The following ADD1 variants were observed in gnomAD, a reference collection of about 807,000 sequenced individuals.
ADD1 encodes alpha-adducin.
Under a neutral mutation model 80.5 loss-of-function variants are expected in ADD1, and 24 were observed. The observed-to-expected ratio is 0.30, with a 90% CI of 0.22 to 0.42. The LOEUF is 0.42. ADD1 is among the 10% of genes least tolerant of loss of function. The pLI is 1.00. For synonymous variants in ADD1, 373 were observed against 393.8 expected, an observed-to-expected ratio of 0.95 and a Z score of 0.63; for missense variants, 948 against 1,019.0, an observed-to-expected ratio of 0.93 and a Z score of 0.95.
rs752868581 is a variant in ADD1, at chr4:2,881,072, CTTTTTTT to C, written c.196-809_196-803del. On this transcript the variant is annotated intron_variant, in intron 2 of 15. Coordinates refer to ENST00000683351, the MANE Select transcript of ADD1 (RefSeq NM_001354761.2). ...TACAATGAACATTTTGATGTATTTACTTTTTTTTTTTTTTTTTTTTTTTGAGACAAAG... is the reference window on the plus strand; with the variant it reads ...TACAATGAACATTTTGATGTATTTACTTTTTTTTTTTTTTTTGAGACAAAG... 6.7e-5 allele frequency among the ~76,000 whole-genome samples: 6 copies of C among 89,360 alleles called. No individual in the cohort carries two copies. In the East Asian group the frequency reaches 1.3e-3, roughly 20 times the overall value. The allele number at this position is 89,360 out of a possible 152,430, so 58.6% of individuals were successfully genotyped here.
intron 14 of ADD1, among the ~76,000 whole-genome samples, chr4:2,918,970 A>G (rs1265803089): frequency 1.3e-5 from 2 of 151,596 alleles, no homozygotes; most frequent in Non-Finnish European, 2.9e-5. Flanking sequence ...CCTCCTGAGT[A>G]CTTGAGACTA....
intron 1 of ADD1, among the ~76,000 whole-genome samples, chr4:2,850,329 G>A (rs538917810): frequency 6.6e-6 from 1 of 151,616 alleles, no homozygotes; most frequent in Admixed American, 6.6e-5. Flanking sequence ...GTGCAGTGGT[G>A]CGATCTTGGC....
At chr4:2,911,492 G>A (rs1269051494) in intron 13 of ADD1, among the ~76,000 whole-genome samples, 1 of 147,776 alleles carries the variant, frequency 6.8e-6, no homozygotes, top group African/African-American at 2.5e-5. Context: ...TGTTGTCCAG[G>A]CTGGAGTGTG....
chr4:2,885,902 G>A (rs563510378), intron 4 of ADD1, among the ~76,000 whole-genome samples: 2 of 152,074 alleles, frequency 1.3e-5, no homozygotes, highest in African/African-American at 2.4e-5. Context: ...GAGCCACCCT[G>A]CCCGGCCCCT....
At chr4:2,928,019 G>A in intron 15 of ADD1, 152 bp from the exon 16 acceptor site, 1 of 743,302 alleles carries the variant, frequency 1.3e-6, no homozygotes, top group South Asian at 1.7e-5. Flanking sequence ...CAGCCGTACA[G>A]TAGAGTAGAC....
chr4:2,865,786 GA>G (rs1242555252), intron 1 of ADD1, among the ~76,000 whole-genome samples: 2 of 151,996 alleles, frequency 1.3e-5, no homozygotes, highest in Non-Finnish European at 2.9e-5. Flanking sequence ...AAAAGATTTT[GA>G]AAGATTTCAT....
chr4:2,878,051 A>C (rs1339815297), intron 2 of ADD1, among the ~76,000 whole-genome samples: 2 of 152,162 alleles, frequency 1.3e-5, no homozygotes, highest in Non-Finnish European at 2.9e-5. Context: ...GAGCCCACAG[A>C]GGCAGAAGGC....
Position 2,880,755 on chromosome 4 carries a change from G to A in ADD1, c.196-1143G>A, listed in dbSNP as rs568419244. ...CTCCCAAAGTGCTGGGATTACAGGCGTGAGCCACCATGCCTGGCCGATATT... is the reference window on the plus strand; with the variant it reads ...CTCCCAAAGTGCTGGGATTACAGGCATGAGCCACCATGCCTGGCCGATATT... On this transcript the variant is annotated intron_variant, in intron 2 of 15. Coordinates refer to ENST00000683351, the MANE Select transcript of ADD1 (RefSeq NM_001354761.2). 1.4e-4 allele frequency among the ~76,000 whole-genome samples: 22 copies of A among 152,094 alleles called. No homozygotes were observed. In the South Asian group the frequency reaches 3.3e-3, roughly 23 times the overall value.
At chr4:2,925,353 T>G (rs1158306386) in intron 14 of ADD1, among the ~76,000 whole-genome samples, 1 of 140,778 alleles carries the variant, frequency 7.1e-6, no homozygotes, top group African/African-American at 2.6e-5. Context: ...CTGCTGATCC[T>G]AAGCTATTAA....
At chr4:2,908,462 G>A in intron 11 of ADD1, 53 bp from the exon 12 acceptor site, 1 of 1,529,374 alleles carries the variant, frequency 6.5e-7, no homozygotes, top group Non-Finnish European at 9.1e-7. Context: ...AGGGCTCCCA[G>A]GCAGCATGGC....
chr4:2,909,113 C>T (rs185536462), intron 12 of ADD1: 1 of 567,038 alleles, frequency 1.8e-6, no homozygotes, highest in Non-Finnish European at 3.2e-6. Flanking sequence ...AATATGCCAC[C>T]TAATGCTTTA....
At chr4:2,915,437 G>A (rs1281137693) in intron 14 of ADD1, among the ~76,000 whole-genome samples, 1 of 152,202 alleles carries the variant, frequency 6.6e-6, no homozygotes, top group Non-Finnish European at 1.5e-5. Flanking sequence ...TCAGGAGATC[G>A]AGACCATCCT....
chr4:2,910,694 C>T (rs1459742305), intron 13 of ADD1, among the ~76,000 whole-genome samples: 1 of 152,180 alleles, frequency 6.6e-6, no homozygotes, highest in African/African-American at 2.4e-5. Context: ...CCAGTTACAG[C>T]TTTGTGTGCT....
At chr4:2,884,747 A>T (rs1732968387) in intron 4 of ADD1, 81 bp downstream of exon 4, 2 of 1,448,224 alleles carry the variant, frequency 1.4e-6, no homozygotes, top group Non-Finnish European at 1.9e-6. Context: ...TTAGGAGAAG[A>T]GGGAAGCAGG....
chr4:2,924,128 C>T (rs1175336557), intron 14 of ADD1, among the ~76,000 whole-genome samples: 2 of 152,240 alleles, frequency 1.3e-5, no homozygotes, highest in African/African-American at 4.8e-5. Context: ...CTGTACTTCT[C>T]TTGGTAGCCC....
At chr4:2,863,338 T>C (rs2108834290) in intron 1 of ADD1, among the ~76,000 whole-genome samples, 1 of 151,592 alleles carries the variant, frequency 6.6e-6, no homozygotes, top group East Asian at 1.9e-4. Flanking sequence ...GGATTACAGT[T>C]GTGAGCCACT....
At chr4:2,890,584 A>C (rs1385493509) in intron 4 of ADD1, among the ~76,000 whole-genome samples, 1 of 151,606 alleles carries the variant, frequency 6.6e-6, no homozygotes, top group African/African-American at 2.4e-5. Flanking sequence ...TTTTTTTTGT[A>C]TTTTTAGTAG....
rs775211158 is a variant in ADD1, at chr4:2,909,363, GA to G, written c.1726del (p.Thr576LeufsTer26). Reference sequence around the variant, plus strand: ...GGATGCACCTCTCTCTGACTGTACGGAAACTATCGAAGGGCTCGAGCTTACA... The same window carrying G: ...GGATGCACCTCTCTCTGACTGTACGGAACTATCGAAGGGCTCGAGCTTACA... ...VQDAPLSDCTETIEGLELTEQ... is the reference protein window; with the variant it reads ...VQDAPLSDCTXTIEGLELTEQ... On this transcript the variant is annotated frameshift_variant, in exon 13 of 16. Coordinates refer to ENST00000683351, the MANE Select transcript of ADD1 (RefSeq NM_001354761.2). LOFTEE classifies it high-confidence loss of function. The G allele has an allele frequency of 6.4e-7, 1 of 1,550,510 alleles. No homozygotes were observed. Among genetic ancestry groups the G allele is most frequent in the South Asian group, 1.2e-5 (1 of 84,052 alleles).
intron 1 of ADD1, among the ~76,000 whole-genome samples, chr4:2,857,656 A>T (rs947985209): frequency 6.6e-6 from 1 of 152,160 alleles, no homozygotes; most frequent in Non-Finnish European, 1.5e-5. Flanking sequence ...GCCTTAGTTG[A>T]GGTCTCCAAA....
Sources: gnomAD v4.1 joint callset for allele counts (sites outside exome capture counted in the v4.1 genomes callset) on GRCh38, gnomAD v4.1.1 for gene constraint, MANE v1.5 for transcripts, NCBI Gene and HGNC (gene_info 2026-07-23, HGNC 2026-07-21) for gene names.